The following NLRC3 variants were observed in gnomAD, a reference collection of about 807,000 sequenced individuals.
The protein encoded by NLRC3 is NLR family CARD domain containing 3.
NLRC3 carries 87 observed loss-of-function variants against 91.6 expected under a neutral mutation model. That is an observed-to-expected ratio of 0.95 (90% CI 0.80 to 1.14). The LOEUF is 1.14. NLRC3 is among the 50% of genes most tolerant of loss of function. NLRC3 has a pLI of 0.00. For synonymous variants in NLRC3, 694 were observed against 625.3 expected (o/e 1.11, Z -1.64); for missense variants, 1,577 against 1,418.6 (o/e 1.11, Z -1.79).
rs1050591638 is a variant in NLRC3, at chr16:3,548,193, C to T, written c.2713G>A (p.Gly905Ser). ...LHLQWNFIQA[G>S]AAQALGQALQ... ...GCTTGTCCCAGGGCCTGGGCAGCGCCGGCCTGGATGAAGTTCCACTGCAGG... is the reference window on the plus strand; with the variant it reads ...GCTTGTCCCAGGGCCTGGGCAGCGCTGGCCTGGATGAAGTTCCACTGCAGG... Residue 905 changes from glycine to serine, a missense_variant, in exon 15 of 20, where the codon GGC becomes AGC. By Grantham distance (56) the Gly-to-Ser change is moderately conservative. Transcript: ENST00000359128. The T allele has an allele frequency of 9.4e-6, 15 of 1,594,794 alleles. No individual in the cohort carries two copies. In the East Asian group the frequency reaches 1.6e-4, roughly 17 times the overall value.
At chr16:3,548,097 C>A (rs1244759140) in intron 15 of NLRC3, 38 bp downstream of exon 15, 1 of 1,421,814 alleles carries the variant, frequency 7.0e-7, no homozygotes, top group Admixed American at 2.0e-5. Context: ...CTGTCCTCAA[C>A]AGCCCCCGCC....
chr16:3,571,646 ATAAT>A (rs944586982), intron 1 of NLRC3, among the ~76,000 whole-genome samples: 12 of 151,762 alleles, frequency 7.9e-5, no homozygotes, highest in Non-Finnish European at 1.2e-4. Context: ...TTGATATTAA[ATAAT>A]TAAAATATTT....
intron 6 of NLRC3, among the ~76,000 whole-genome samples, chr16:3,561,147 C>T (rs554899918): frequency 3.3e-5 from 5 of 151,924 alleles, no homozygotes; most frequent in South Asian, 2.1e-4. Flanking sequence ...GTCAGGAGTT[C>T]GAGGCCAGCC....
chr16:3,553,187 T>G (rs1005494694), intron 9 of NLRC3, among the ~76,000 whole-genome samples: 1 of 152,206 alleles, frequency 6.6e-6, no homozygotes, highest in Non-Finnish European at 1.5e-5. Flanking sequence ...CTCAGAGCAC[T>G]TCCTGAGAAA....
rs752373212 is a variant in NLRC3 at position 3,549,176 on chromosome 16, C to T, written c.2569G>A (p.Ala857Thr). The T allele has an allele frequency of 3.1e-6, 5 of 1,587,990 alleles. No individual in the cohort carries two copies. The highest frequency in any genetic ancestry group is 4.3e-6 in the Non-Finnish European group (5 of 1,167,070). Residue 857 changes from alanine (A) to threonine (T), a missense_variant, in exon 13 of 20, where the codon GCC becomes ACC. Ala to Thr is a moderately conservative substitution (Grantham distance 58). Transcript: ENST00000359128. ...SPEGAQAIAH[A>T]LCANSTLKNL... ...TTCAGGGTGCTGTTGGCGCAGAGGG[C>T]ATGAGCGATGGCCTGGGCTCCCTCG...
chr16:3,550,405 T>A lies in NLRC3; in HGVS notation c.2435+9A>T, dbSNP rs2038932021. The stretch of plus-strand genomic sequence containing the variant: ...CAGGGGGAATCGTCACCCTGGCAGG[T>A]GGACTCACTCCAGGCTCTCCAGGCC... On this transcript the variant is annotated intron_variant, in intron 11 of 19. Coordinates refer to ENST00000359128, the MANE Select transcript of NLRC3 (RefSeq NM_178844.4). The A allele has an allele frequency of 1.3e-6, 2 of 1,592,684 alleles. No homozygotes were observed. Among genetic ancestry groups the A allele is most frequent in the South Asian group, 2.2e-5 (2 of 90,700 alleles).
rs2151085213 is a variant in NLRC3, at chr16:3,548,758, G to A, written c.2604-5C>T. On this transcript the variant is annotated splice_region_variant and splice_polypyrimidine_tract_variant and intron_variant, in intron 13 of 19. Transcript: ENST00000359128. ...TGGAGGAGGTTGGCTGTCAGGCTAGGAGGAAGGGAACAGGAGCAAGTGAGC... is the reference window on the plus strand; with the variant it reads ...TGGAGGAGGTTGGCTGTCAGGCTAGAAGGAAGGGAACAGGAGCAAGTGAGC... 2 of 1,597,056 alleles carry A rather than the reference G, an allele frequency of 1.3e-6. No individual in the cohort carries two copies. The highest frequency in any genetic ancestry group is 1.1e-5 in the South Asian group (1 of 87,804).
intron 9 of NLRC3, 64 bp downstream of exon 9, chr16:3,554,176 CAG>C (rs1192411419): frequency 1.6e-6 from 2 of 1,235,504 alleles, no homozygotes; most frequent in African/African-American, 1.5e-5. Flanking sequence ...AGGTAATAGG[CAG>C]AGAGGCCCTT....
intron 15 of NLRC3, chr16:3,545,072 G>A (rs1215628447): frequency 1.3e-5 from 2 of 152,356 alleles, no homozygotes; most frequent in Non-Finnish European, 2.9e-5. Flanking sequence ...AGGCCCTGGT[G>A]CAGTGAGTGA....
Position 3,548,594 on chromosome 16 carries a change from G to A in NLRC3, c.2687+76C>T, listed in dbSNP as rs57276615. 7.2e-4 allele frequency: 801 copies of A among 1,109,192 alleles called. 3 individuals carry two copies. The African/African-American group carries it at 0.011, about 15-fold the overall frequency. 68.7% of individuals were successfully genotyped at this position (1,109,192 alleles called of 1,614,324 possible). On this transcript the variant is annotated intron_variant, in intron 14 of 19. Transcript: ENST00000359128. ...GGTGTCCCCAAACCAGGTGTGGCCTGTGCATCGTTGGTTTGGGTGGAGCCC... is the reference window on the plus strand; with the variant it reads ...GGTGTCCCCAAACCAGGTGTGGCCTATGCATCGTTGGTTTGGGTGGAGCCC...
rs1334031328 is a variant in NLRC3, at chr16:3,564,993, C to T, written c.44G>A (p.Gly15Asp). The T allele has an allele frequency of 6.2e-7, 1 of 1,610,480 alleles. No homozygotes were observed. The highest frequency in any genetic ancestry group is 1.7e-5 in the Admixed American group (1 of 59,996). Residue 15 changes from glycine to aspartate, a missense_variant, in exon 4 of 20, where the codon GGC becomes GAC. Coordinates refer to ENST00000359128, the MANE Select transcript of NLRC3 (RefSeq NM_178844.4). The surrounding 1 kb of genome is among the most constrained non-coding windows in gnomAD (Gnocchi z 5.9). ...EVRTGREAGQ[G>D]HGTGSPAEQV... ...CTCGGCTGGGGAGCCCGTACCGTGG[C>T]CCTGGCCGGCCTCCCTGCCCGTCCG...
rs750746612 is a variant in NLRC3 at position 3,564,391 on chromosome 16, G to A, written c.546C>T (p.Leu182=). 4 of 1,612,478 alleles carry A rather than the reference G, an allele frequency of 2.5e-6. No homozygotes were observed. The East Asian group carries it at 8.9e-5, about 36-fold the overall frequency. Residue 182 remains leucine, a synonymous_variant, in exon 5 of 20, where the codon CTC becomes CTT. Transcript: ENST00000359128. This position sits in a 1 kb window ranked among gnomAD's most constrained non-coding sequence, Gnocchi z 5.9. ...SLVLPLTFRD[L]NTHEKLCADR... is the part of the protein sequence containing the mutation. ...CGGCACACAGCTTCTCGTGGGTGTTGAGATCCCGGAAGGTCAGAGGCAGCA... is the reference window on the plus strand; with the variant it reads ...CGGCACACAGCTTCTCGTGGGTGTTAAGATCCCGGAAGGTCAGAGGCAGCA...
rs1299893686 is a variant in NLRC3, at chr16:3,577,219, T to C, written c.-239A>G. On this transcript the variant is annotated 5_prime_UTR_variant, in exon 1 of 20. Transcript: ENST00000359128. ...CTGGGGGCGTCCATCTCCATGCTCC[T>C]GGGCTCAGCCCTGCTCCAGCTGCGT... 1.4e-6 allele frequency: 1 copy of C among 702,990 alleles called. No homozygotes were observed. Among genetic ancestry groups the C allele is most frequent in the South Asian group, 1.5e-5 (1 of 67,596 alleles). The allele number at this position is 702,990 out of a possible 1,614,324, so 43.5% of individuals were successfully genotyped here. A position where few individuals can be genotyped will look rare whatever the true frequency, so the allele number is the denominator to read the frequency against.
chr16:3,560,242 G>A lies in NLRC3; in HGVS notation c.2015+1460C>T, dbSNP rs150267174. On this transcript the variant is annotated intron_variant, in intron 6 of 19. Coordinates refer to ENST00000359128, the MANE Select transcript of NLRC3 (RefSeq NM_178844.4). Reference sequence around the variant, plus strand: ...CCAGCCTGGCCAATAAAGTAATATAGTGAAACCCTGTATCGACTAAAAATA... The same window carrying A: ...CCAGCCTGGCCAATAAAGTAATATAATGAAACCCTGTATCGACTAAAAATA... Among the ~76,000 whole-genome samples, 795 of 152,120 alleles carry A rather than the reference G, an allele frequency of 5.2e-3. 6 individuals carry two copies. The highest frequency in any genetic ancestry group is 0.014 in the African/African-American group (588 of 41,512).
chr16:3,559,086 C>G (rs2039487147), intron 6 of NLRC3, among the ~76,000 whole-genome samples: 1 of 152,124 alleles, frequency 6.6e-6, no homozygotes, highest in African/African-American at 2.4e-5. Flanking sequence ...ACTTTTCAAG[C>G]TATATTGAAG....
intron 5 of NLRC3, among the ~76,000 whole-genome samples, chr16:3,562,028 C>T (rs913671315): frequency 6.6e-6 from 1 of 152,224 alleles, no homozygotes. Flanking sequence ...CTCACCACCC[C>T]ACATACCGCC....
chr16:3,542,179 A>G lies in NLRC3; in HGVS notation c.3107+12T>C, dbSNP rs778044815. 5.2e-6 allele frequency: 8 copies of G among 1,548,774 alleles called. No homozygotes were observed. The highest frequency in any genetic ancestry group is 7.0e-6 in the Non-Finnish European group (8 of 1,137,038). ...AGTTCTAAGGGTGAGCAGGAAGGGC[A>G]GGTGCACTCACTTGATATGCTGGAG... On this transcript the variant is annotated intron_variant, in intron 19 of 19. Coordinates refer to ENST00000359128, the MANE Select transcript of NLRC3 (RefSeq NM_178844.4).
Position 3,564,266 on chromosome 16 carries a change from C to G in NLRC3, c.671G>C (p.Cys224Ser). 6.2e-7 allele frequency: 1 copy of G among 1,612,366 alleles called. No individual in the cohort carries two copies. Among genetic ancestry groups the G allele is most frequent in the Non-Finnish European group, 8.5e-7 (1 of 1,179,608 alleles). Reference protein sequence around the residue: ...ALLILDGLDECRTPLDFSNTV... With the variant: ...ALLILDGLDESRTPLDFSNTV... ...GTTGGAGAAGTCCAGAGGCGTCCTG[C>G]ACTCATCCAAGCCGTCCAGGATCAG... The change falls in exon 5 of 20, where the codon TGC becomes TCC. Residue 224 changes from cysteine (C) to serine (S), a missense_variant. Physicochemically the swap from Cys to Ser is moderately radical, Grantham distance 112. Transcript: ENST00000359128. This position sits in a 1 kb window ranked among gnomAD's most constrained non-coding sequence, Gnocchi z 5.9.
At position 3,564,605 on chromosome 16, in the gene NLRC3, G is replaced by A. The variant is rs771052424; in HGVS notation, c.332C>T (p.Ala111Val). 1.2e-6 allele frequency: 2 copies of A among 1,610,630 alleles called. No homozygotes were observed. The highest frequency in any genetic ancestry group is 2.7e-5 in the African/African-American group (2 of 74,940). The stretch of plus-strand genomic sequence containing the variant: ...GGCGGGGTGCCCGCCCCCGCGGGTG[G>A]CCTCCACCTGTGTGAAGTCGTGTTC... ...LREHDFTQVE[A>V]TRGGGHPART... Residue 111 changes from alanine to valine, a missense_variant, in exon 5 of 20, where the codon GCC becomes GTC. Coordinates refer to ENST00000359128, the MANE Select transcript of NLRC3 (RefSeq NM_178844.4). The surrounding 1 kb of genome is among the most constrained non-coding windows in gnomAD (Gnocchi z 5.9).
Sources: gnomAD v4.1 joint callset for allele counts (sites outside exome capture counted in the v4.1 genomes callset) on GRCh38, gnomAD v4.1.1 for gene constraint, Gnocchi (gnomAD v3.1) non-coding constraint, MANE v1.5 for transcripts, NCBI Gene and HGNC (gene_info 2026-07-23, HGNC 2026-07-21) for gene names.